Variants in PLCE1 observed in about 807,000 individuals in gnomAD.
PLCE1 encodes phospholipase C epsilon 1, also known as 1-phosphatidylinositol 4,5-bisphosphate phosphodiesterase epsilon-1.
PLCE1 carries 119 observed loss-of-function variants against 242.8 expected under a neutral mutation model. The observed-to-expected ratio is 0.49, with a 90% CI of 0.42 to 0.57. PLCE1 has a LOEUF of 0.57. Ranked by LOEUF, PLCE1 falls within the 20% of genes least tolerant of loss-of-function variation. The pLI, the probability that PLCE1 is intolerant of heterozygous loss-of-function variation, is 0.00. For synonymous variants in PLCE1, 945 were observed against 1,017.4 expected (o/e 0.93, Z 1.35); for missense variants, 2,441 against 2,788.8 (o/e 0.88, Z 2.81).
chr10:94,308,587 G>A lies in PLCE1; in HGVS notation c.5891G>A (p.Arg1964Gln), dbSNP rs746572025. 8.1e-6 allele frequency: 13 copies of A among 1,601,194 alleles called. No homozygotes were observed. Among genetic ancestry groups the A allele is most frequent in the East Asian group, 2.2e-5 (1 of 44,838 alleles). Reference protein sequence around the residue: ...IPLKALKRGYRHLQLRNLHNE... With the variant: ...IPLKALKRGYQHLQLRNLHNE... ...CAATTCTGTATTACTCCAGGATATC[G>A]ACATCTTCAGCTGCGAAACCTTCAC... Residue 1964 changes from arginine to glutamine, a missense_variant, in exon 27 of 33, where the codon CGA becomes CAA. Around this residue, in one of 5 missense-constraint regions of PLCE1, gnomAD observed 1,004 missense variants for 1,322.7 expected, o/e 0.76. Transcript: ENST00000371380.
intron 22 of PLCE1, among the ~76,000 whole-genome samples, chr10:94,292,678 C>A (rs758644624): frequency 5.9e-5 from 9 of 152,194 alleles, no homozygotes; most frequent in Non-Finnish European, 1.2e-4. Context: ...CCTGTCTCCT[C>A]TGATGATGTT....
chr10:94,011,985 A>G (rs1181736494), intron 1 of PLCE1, among the ~76,000 whole-genome samples: 2 of 152,086 alleles, frequency 1.3e-5, no homozygotes, highest in Admixed American at 1.3e-4. Context: ...GCCTTCACTC[A>G]GGGCTCAGAG....
intron 3 of PLCE1, among the ~76,000 whole-genome samples, chr10:94,161,848 G>C (rs2047625669): frequency 6.6e-6 from 1 of 152,128 alleles, no homozygotes; most frequent in African/African-American, 2.4e-5. Flanking sequence ...CTAATTTATT[G>C]AGAGTTTTTA....
rs776768312 is a variant in PLCE1 at position 94,246,320 on chromosome 10, C to T, written c.2795C>T (p.Thr932Met). 11 of 1,614,132 alleles carry T rather than the reference C, an allele frequency of 6.8e-6. No individual in the cohort carries two copies. The highest frequency in any genetic ancestry group is 8.5e-6 in the Non-Finnish European group (10 of 1,180,022). Reference sequence around the variant, plus strand: ...GGTAATGCTGGATTAAGTAGCCTGACGGAAGGGGTCTTGGATCTTTTTGCA... The same window carrying T: ...GGTAATGCTGGATTAAGTAGCCTGATGGAAGGGGTCTTGGATCTTTTTGCA... The part of the protein sequence containing the change: ...LLGNAGLSSL[T>M]EGVLDLFAVK... Residue 932 changes from threonine to methionine, a missense_variant, in exon 8 of 33, where the codon ACG becomes ATG. Physicochemically the swap from Thr to Met is moderately conservative, Grantham distance 81. Around this residue, in one of 5 missense-constraint regions of PLCE1, gnomAD observed 733 missense variants for 754.2 expected, o/e 0.97. Coordinates refer to ENST00000371380, the MANE Select transcript of PLCE1 (RefSeq NM_016341.4).
At chr10:94,168,494 C>T (rs1054856410) in intron 3 of PLCE1, among the ~76,000 whole-genome samples, 3 of 152,120 alleles carry the variant, frequency 2.0e-5, no homozygotes, top group African/African-American at 4.8e-5. Flanking sequence ...TGATGTCATG[C>T]TTATACTGAG....
At chr10:94,084,508 C>T (rs568891046) in intron 2 of PLCE1, among the ~76,000 whole-genome samples, 6 of 152,218 alleles carry the variant, frequency 3.9e-5, no homozygotes, top group Admixed American at 2.6e-4. Flanking sequence ...CTTCCTGTGC[C>T]GACATTCTGT....
At chr10:93,997,853 A>G (rs2060857935) in intron 1 of PLCE1, among the ~76,000 whole-genome samples, 3 of 152,188 alleles carry the variant, frequency 2.0e-5, no homozygotes, top group Admixed American at 2.0e-4. Context: ...TTCACTGTGT[A>G]AGAACTGGTA....
rs1162562876 is a variant in PLCE1 at position 94,227,412 on chromosome 10, G to A, written c.1916G>A (p.Gly639Asp). The A allele has an allele frequency of 2.0e-5, 33 of 1,613,854 alleles. No individual in the cohort carries two copies. Among genetic ancestry groups the A allele is most frequent in the Non-Finnish European group, 2.7e-5 (32 of 1,179,892 alleles). The change falls in exon 5 of 33, where the codon GGC (glycine) becomes GAC (aspartate). Residue 639 changes from glycine (G) to aspartate (D), a missense_variant. By Grantham distance (94) the Gly-to-Asp change is moderately conservative. Transcript: ENST00000371380. Reference sequence around the variant, plus strand: ...GTGGCCAAATGCTGCTGGAACATGGGCAACTACAACGCTGTCATGGAGTTC... The same window carrying A: ...GTGGCCAAATGCTGCTGGAACATGGACAACTACAACGCTGTCATGGAGTTC... Reference protein sequence around the residue: ...VHVAKCCWNMGNYNAVMEFLA... With the variant: ...VHVAKCCWNMDNYNAVMEFLA...
intron 7 of PLCE1, among the ~76,000 whole-genome samples, chr10:94,242,474 C>A (rs1178644262): frequency 2.6e-5 from 4 of 152,052 alleles, no homozygotes; most frequent in African/African-American, 7.2e-5. Context: ...CCACGCCCAG[C>A]TAATTTTTGT....
chr10:94,033,882 A>G (rs1473508426), intron 2 of PLCE1, among the ~76,000 whole-genome samples: 1 of 152,186 alleles, frequency 6.6e-6, no homozygotes, highest in Non-Finnish European at 1.5e-5. Context: ...TTATTGAAAT[A>G]TAAGTGCTAT....
intron 2 of PLCE1, among the ~76,000 whole-genome samples, chr10:94,041,247 G>A (rs2061761456): frequency 6.6e-6 from 1 of 151,954 alleles, no homozygotes; most frequent in Non-Finnish European, 1.5e-5. Flanking sequence ...AATGAAGAAG[G>A]GCGGTTTCCA....
intron 1 of PLCE1, among the ~76,000 whole-genome samples, chr10:93,997,141 T>C (rs2060840694): frequency 6.6e-6 from 1 of 152,338 alleles, no homozygotes; most frequent in Non-Finnish European, 1.5e-5. Context: ...GTGAGAGATC[T>C]TATCCTTTAG....
intron 4 of PLCE1, among the ~76,000 whole-genome samples, chr10:94,195,157 T>G (rs1366734229): frequency 1.3e-5 from 2 of 152,198 alleles, no homozygotes; most frequent in Non-Finnish European, 2.9e-5. Context: ...CAAAATAGAT[T>G]TGCTAGCATG....
intron 3 of PLCE1, among the ~76,000 whole-genome samples, chr10:94,161,121 G>A (rs1196603410): frequency 6.6e-6 from 1 of 152,098 alleles, no homozygotes; most frequent in Non-Finnish European, 1.5e-5. Context: ...AACTTTAAAA[G>A]TAGTTTTTTC....
rs115841498 is a variant in PLCE1, at chr10:94,018,959, G to A, written c.-364-11724G>A. Reference sequence around the variant, plus strand: ...TTTATTATTATAGTGCTGAAGGGGTGATTTAAAAGAAATAGACATAGTCCT... The same window carrying A: ...TTTATTATTATAGTGCTGAAGGGGTAATTTAAAAGAAATAGACATAGTCCT... On this transcript the variant is annotated intron_variant, in intron 1 of 32. Transcript: ENST00000371380. 3.7e-3 allele frequency among the ~76,000 whole-genome samples: 568 copies of A among 152,266 alleles called. 2 individuals carry two copies. Among genetic ancestry groups the A allele is most frequent in the African/African-American group, 0.013 (546 of 41,542 alleles).
At chr10:94,229,711 T>C (rs531143662) in intron 5 of PLCE1, among the ~76,000 whole-genome samples, 2 of 152,300 alleles carry the variant, frequency 1.3e-5, no homozygotes, top group Non-Finnish European at 2.9e-5. Flanking sequence ...AAGAAGACCA[T>C]AGAACCTGGT....
chr10:94,223,231 T>TCCAAA (rs1460825980), intron 4 of PLCE1, among the ~76,000 whole-genome samples: 1 of 16,688 alleles, frequency 6.0e-5, no homozygotes, highest in African/African-American at 2.5e-4. Context: ...ACTCCATCTC[T>TCCAAA]ACAAAAAAAA....
intron 9 of PLCE1, among the ~76,000 whole-genome samples, chr10:94,253,425 C>T (rs1341899762): frequency 1.3e-5 from 2 of 152,124 alleles, no homozygotes; most frequent in Admixed American, 1.3e-4. Flanking sequence ...GTGATCATGG[C>T]TCACTGCAGC....
chr10:94,016,852 G>A (rs772447019), intron 1 of PLCE1, among the ~76,000 whole-genome samples: 4 of 151,826 alleles, frequency 2.6e-5, no homozygotes, highest in East Asian at 3.9e-4. Flanking sequence ...AGTATGGTAC[G>A]GCACTTTGGC....
Sources: allele counts gnomAD v4.1 joint callset (sites outside exome capture counted in the v4.1 genomes callset), GRCh38; gene constraint gnomAD v4.1.1; regional missense constraint gnomAD v4.1.1; transcripts MANE v1.5; gene names NCBI Gene and HGNC (gene_info 2026-07-23, HGNC 2026-07-21).